Variants in APOL4 observed in about 807,000 individuals in gnomAD.
APOL4 encodes apolipoprotein L4.
In APOL4, 14 loss-of-function variants were observed where a neutral mutation model predicts 12.1. The observed-to-expected ratio is 1.16, with a 90% CI of 0.76 to 1.81. APOL4 has a LOEUF of 1.81. Ranked by LOEUF, APOL4 falls within the 40% of genes most tolerant of loss-of-function variation. The pLI, the probability that APOL4 is intolerant of heterozygous loss-of-function variation, is 0.00. For missense variants in APOL4, 432 were observed against 423.1 expected, an observed-to-expected ratio of 1.02 and a Z score of -0.18; for synonymous variants, 171 against 160.6, an observed-to-expected ratio of 1.06 and a Z score of -0.49.
intron 1 of APOL4, among the ~76,000 whole-genome samples, chr22:36,201,233 G>A (rs2014563140): frequency 6.6e-6 from 1 of 150,794 alleles, no homozygotes; most frequent in Admixed American, 6.6e-5. Flanking sequence ...GTGTGTCTCT[G>A]CGCACTCCCT....
At chr22:36,198,325 A>C (rs6000179) in intron 2 of APOL4, among the ~76,000 whole-genome samples, 25,223 of 152,200 alleles carry the variant, frequency 0.17, 3,362 homozygotes, top group African/African-American at 0.37. Context: ...CAGTTTTATC[A>C]CTGGAACTAA....
At position 36,194,266 on chromosome 22, in the gene APOL4, C is replaced by T. The variant is rs114936234; in HGVS notation, c.209+1045G>A. Among the ~76,000 whole-genome samples the T allele has an allele frequency of 8.6e-3, 1,315 of 152,172 alleles. 20 individuals are homozygous for T. Among genetic ancestry groups the T allele is most frequent in the African/African-American group, 0.03 (1,253 of 41,494 alleles). ...ACTCCCCATTTCCCAGGCATGGTGT[C>T]GGGGAAACAGTCACCCATGGCCCAC... is the stretch of plus-strand genomic sequence containing the variant. On this transcript the variant is annotated intron_variant, in intron 3 of 3. Transcript: ENST00000683024.
chr22:36,197,384 A>G (rs979809660), intron 2 of APOL4: 3 of 419,130 alleles, frequency 7.2e-6, no homozygotes, highest in Non-Finnish European at 8.2e-6. Flanking sequence ...TGGGCGAGGG[A>G]TTGTCTTGTT....
At chr22:36,195,504 AG>A in intron 2 of APOL4, 67 bp from the exon 3 acceptor site, 1 of 1,561,230 alleles carries the variant, frequency 6.4e-7, no homozygotes, top group Non-Finnish European at 8.7e-7. Context: ...ATTGAGTATA[AG>A]GTGGTTCGGT....
At chr22:36,202,479 G>A (rs192877235), upstream of APOL4, among the ~76,000 whole-genome samples, 46 of 152,312 alleles carry the variant, frequency 3.0e-4, no homozygotes, top group African/African-American at 1.1e-3. Flanking sequence ...TGTAATCCCA[G>A]CACTTTGGGA....
upstream of APOL4, among the ~76,000 whole-genome samples, chr22:36,203,258 AG>A (rs1158120558): frequency 6.6e-6 from 1 of 152,184 alleles, no homozygotes; most frequent in Non-Finnish European, 1.5e-5. Context: ...AGCTGGGTCC[AG>A]GGGGGTCACC....
At chr22:36,202,592 G>T (rs1460229220), upstream of APOL4, among the ~76,000 whole-genome samples, 1 of 151,992 alleles carries the variant, frequency 6.6e-6, no homozygotes, top group Non-Finnish European at 1.5e-5. Context: ...CGAGTGTAGT[G>T]GCGGGCGCCT....
At chr22:36,199,455 T>C (rs980373303) in intron 1 of APOL4, 79 bp from the exon 2 acceptor site, 31 of 1,612,950 alleles carry the variant, frequency 1.9e-5, no homozygotes, top group Non-Finnish European at 2.5e-5. Flanking sequence ...GCTGGGCCTC[T>C]GCAGATCCCT....
chr22:36,202,036 T>C (rs759847271), upstream of APOL4: 2 of 1,614,104 alleles, frequency 1.2e-6, no homozygotes, highest in Non-Finnish European at 1.7e-6. Context: ...GCTCCCTCCA[T>C]GTCGCTGCGG....
intron 2 of APOL4, among the ~76,000 whole-genome samples, chr22:36,198,612 G>A (rs2014480032): frequency 6.6e-6 from 1 of 152,174 alleles, no homozygotes; most frequent in African/African-American, 2.4e-5. Context: ...ACAATCAACA[G>A]GGGTCAGGTA....
chr22:36,199,187 G>C, intron 2 of APOL4, 143 bp downstream of exon 2: 1 of 1,158,794 alleles, frequency 8.6e-7, no homozygotes, highest in Non-Finnish European at 1.3e-6. Flanking sequence ...GGGGCTTGGG[G>C]CAGCCTCATC....
upstream of APOL4, among the ~76,000 whole-genome samples, chr22:36,202,403 C>T (rs1170130080): frequency 6.6e-6 from 1 of 152,198 alleles, no homozygotes; most frequent in African/African-American, 2.4e-5. Context: ...AGCTATAGTG[C>T]TTTCTATCTT....
At chr22:36,191,983 A>G in intron 3 of APOL4, 71 bp from the exon 4 acceptor site, 1 of 1,261,242 alleles carries the variant, frequency 7.9e-7, no homozygotes, top group South Asian at 1.5e-5. Context: ...AATAAGATCT[A>G]TTCTGCATAA....
In APOL4 at chr22:36,195,385, GCTAACTTT is replaced by G. The variant is rs772457956; in HGVS notation, c.127_134del (p.Lys43ProfsTer10). On this transcript the variant is annotated frameshift_variant, in exon 3 of 4. Coordinates refer to ENST00000683024, the MANE Select transcript of APOL4 (RefSeq NM_001386885.1). LOFTEE classifies it high-confidence loss of function. The stretch of plus-strand genomic sequence containing the variant: ...TCAGCAGGATTTTCAGATGCACTGG[GCTAACTTT>G]CTTCTGGAAGTATTCAATGACTTCT... 4 of 1,613,642 alleles carry G rather than the reference GCTAACTTT, an allele frequency of 2.5e-6. No individual in the cohort carries two copies. Among genetic ancestry groups the G allele is most frequent in the Non-Finnish European group, 3.4e-6 (4 of 1,179,820 alleles).
At chr22:36,194,686 C>T (rs1050060821) in intron 3 of APOL4, among the ~76,000 whole-genome samples, 2 of 152,172 alleles carry the variant, frequency 1.3e-5, no homozygotes, top group African/African-American at 4.8e-5. Flanking sequence ...GGGACAGAGC[C>T]AGGATCCACC....
Position 36,191,886 on chromosome 22 carries a change from G to A in APOL4, c.236C>T (p.Ala79Val). 6.2e-7 allele frequency: 1 copy of A among 1,605,288 alleles called. No individual in the cohort carries two copies. The highest frequency in any genetic ancestry group is 8.5e-7 in the Non-Finnish European group (1 of 1,177,912). The stretch of plus-strand genomic sequence containing the variant: ...CACATATGGTGTAAGATTCTTCAGA[G>A]CTTCATAGAGAGCATCTGCCTCTTC... The part of the protein sequence containing the change: ...PREEADALYE[A>V]LKNLTPYVAI... Residue 79 changes from alanine (A) to valine (V), a missense_variant, in exon 4 of 4, where the codon GCT (alanine) becomes GTT (valine). Transcript: ENST00000683024.
intron 1 of APOL4, among the ~76,000 whole-genome samples, chr22:36,200,951 T>A (rs777891555): frequency 2.4e-4 from 36 of 152,344 alleles, no homozygotes; most frequent in Non-Finnish European, 4.7e-4. Context: ...GGAGGATTAA[T>A]ATTGTCATTT....
At chr22:36,202,094 C>G, upstream of APOL4, 11 of 1,612,268 alleles carry the variant, frequency 6.8e-6, no homozygotes, top group Non-Finnish European at 8.5e-6. Flanking sequence ...GTGTGCTCCT[C>G]CTGAGAAATC....
At chr22:36,198,792 C>A (rs2014485858) in intron 2 of APOL4, among the ~76,000 whole-genome samples, 1 of 152,162 alleles carries the variant, frequency 6.6e-6, no homozygotes, top group Non-Finnish European at 1.5e-5. Flanking sequence ...TGGCCAAGAC[C>A]AGAATGGGGT....
Sources: allele counts gnomAD v4.1 joint callset (sites outside exome capture counted in the v4.1 genomes callset), GRCh38; gene constraint gnomAD v4.1.1; transcripts MANE v1.5; gene names NCBI Gene and HGNC (gene_info 2026-07-23, HGNC 2026-07-21).